The following PCDH7 variants were observed in gnomAD, a reference collection of about 807,000 sequenced individuals.
PCDH7 encodes protocadherin 7, also known as protocadherin-7.
PCDH7 carries 17 observed loss-of-function variants against 58.9 expected under a neutral mutation model. The observed-to-expected ratio is 0.29, with a 90% CI of 0.20 to 0.43. The LOEUF (loss-of-function observed/expected upper bound fraction) is 0.43. Among genes scored for constraint, PCDH7 ranks in the 20% least tolerant of loss-of-function variants. The pLI, the probability that PCDH7 is intolerant of heterozygous loss-of-function variation, is 1.00. For missense variants in PCDH7, 1,274 were observed against 1,441.0 expected (o/e 0.88, Z 1.88); for synonymous variants, 664 against 616.4 (o/e 1.08, Z -1.14).
At chr4:30,971,524 C>T (rs1201454162) in intron 3 of PCDH7, among the ~76,000 whole-genome samples, 2 of 152,182 alleles carry the variant, frequency 1.3e-5, no homozygotes, top group African/African-American at 4.8e-5. Context: ...AAGCCATCTG[C>T]ATCAGAGTCA....
At chr4:30,824,431 C>A (rs762562675) in intron 1 of PCDH7, among the ~76,000 whole-genome samples, 1 of 152,036 alleles carries the variant, frequency 6.6e-6, no homozygotes, top group Non-Finnish European at 1.5e-5. Flanking sequence ...AAAATGAATA[C>A]ACTCAAGTAT....
chr4:30,770,955 G>A (rs1024817603), intron 1 of PCDH7, among the ~76,000 whole-genome samples: 9 of 152,076 alleles, frequency 5.9e-5, no homozygotes, highest in Admixed American at 3.9e-4. Context: ...AGAACACCAC[G>A]AGTAAGCAGG....
At chr4:30,953,404 T>C (rs1480518112) in intron 3 of PCDH7, among the ~76,000 whole-genome samples, 1 of 152,140 alleles carries the variant, frequency 6.6e-6, no homozygotes, top group Non-Finnish European at 1.5e-5. Flanking sequence ...TTTTTCTATA[T>C]TACTTGATTG....
At chr4:31,023,236 T>G (rs1754168844) in intron 3 of PCDH7, among the ~76,000 whole-genome samples, 1 of 152,214 alleles carries the variant, frequency 6.6e-6, no homozygotes, top group South Asian at 2.1e-4. Context: ...ACCTGATTAT[T>G]GGCAACACCA....
At position 30,792,650 on chromosome 4, in the gene PCDH7, G is replaced by A. The variant is rs533164182; in HGVS notation, c.70+68054G>A. On this transcript the variant is annotated intron_variant, in intron 1 of 3. Transcript: ENST00000509759. ...TTAAGAGATTGGAGCTCTGAGATCA[G>A]GTACAGCTCAGTCTGTTTTCTAATT... Among the ~76,000 whole-genome samples the A allele has an allele frequency of 5.3e-5, 8 of 152,254 alleles. No homozygotes were observed. In the South Asian group the frequency reaches 1.7e-3, roughly 32 times the overall value.
intron 3 of PCDH7, among the ~76,000 whole-genome samples, chr4:31,091,911 T>C (rs1464709401): frequency 6.6e-6 from 1 of 151,914 alleles, no homozygotes; most frequent in Non-Finnish European, 1.5e-5. Flanking sequence ...TTAGGAGTAT[T>C]TTTAATAGTT....
At chr4:31,081,491 C>T (rs1759502475) in intron 3 of PCDH7, among the ~76,000 whole-genome samples, 1 of 152,078 alleles carries the variant, frequency 6.6e-6, no homozygotes, top group Non-Finnish European at 1.5e-5. Flanking sequence ...TAATATGGCC[C>T]TTAAATTTAT....
At chr4:31,071,757 G>A (rs1758558275) in intron 3 of PCDH7, among the ~76,000 whole-genome samples, 1 of 151,806 alleles carries the variant, frequency 6.6e-6, no homozygotes, top group African/African-American at 2.4e-5. Context: ...ATTTCATTTA[G>A]GTTTATTCCT....
chr4:30,971,935 T>A (rs1749627851), intron 3 of PCDH7, among the ~76,000 whole-genome samples: 1 of 152,180 alleles, frequency 6.6e-6, no homozygotes, highest in Admixed American at 6.5e-5. Context: ...CACTCCAGCC[T>A]GGGCGACAGA....
chr4:30,925,166 A>G (rs978063778), intron 2 of PCDH7, among the ~76,000 whole-genome samples: 2 of 152,156 alleles, frequency 1.3e-5, no homozygotes, highest in African/African-American at 4.8e-5. Context: ...GTCCTTGATT[A>G]TTTAAACATG....
intron 3 of PCDH7, among the ~76,000 whole-genome samples, chr4:31,041,181 C>G (rs990184483): frequency 2.6e-5 from 4 of 152,136 alleles, no homozygotes; most frequent in Non-Finnish European, 5.9e-5. Context: ...ACCAATACGT[C>G]TTCCTGAAAG....
chr4:30,914,965 C>T (rs1429162522), intron 1 of PCDH7, among the ~76,000 whole-genome samples: 3 of 151,962 alleles, frequency 2.0e-5, no homozygotes, highest in Admixed American at 6.6e-5. Context: ...ACACACATAC[C>T]CCATTAATAA....
intron 3 of PCDH7, among the ~76,000 whole-genome samples, chr4:30,951,082 T>A (rs1375754950): frequency 6.6e-6 from 1 of 152,166 alleles, no homozygotes; most frequent in African/African-American, 2.4e-5. Flanking sequence ...TTGAGACACA[T>A]GACTAAAATG....
intron 1 of PCDH7, among the ~76,000 whole-genome samples, chr4:30,851,974 C>T (rs954300946): frequency 3.3e-5 from 5 of 151,870 alleles, no homozygotes; most frequent in East Asian, 1.9e-4. Context: ...TCAAAGATAA[C>T]GCTAGCTATA....
At chr4:30,806,219 T>C (rs1375198119) in intron 1 of PCDH7, among the ~76,000 whole-genome samples, 2 of 152,176 alleles carry the variant, frequency 1.3e-5, no homozygotes, top group African/African-American at 4.8e-5. Context: ...TATTGAGTAC[T>C]AGCCTGACTC....
chr4:30,854,396 T>C (rs1407711390), intron 1 of PCDH7, among the ~76,000 whole-genome samples: 2 of 151,162 alleles, frequency 1.3e-5, no homozygotes, highest in African/African-American at 4.9e-5. Flanking sequence ...GGGAACTGGG[T>C]TACTACTCAC....
chr4:30,723,427 G>T lies in PCDH7; in HGVS notation c.2005G>T (p.Gly669Trp), dbSNP rs779411370. The T allele has an allele frequency of 6.2e-7, 1 of 1,614,174 alleles. No homozygotes were observed. Among genetic ancestry groups the T allele is most frequent in the South Asian group, 1.1e-5 (1 of 91,082 alleles). Residue 669 changes from glycine (G) to tryptophan (W), a missense_variant, in exon 1 of 2, where the codon GGG becomes TGG. By Grantham distance (184) the Gly-to-Trp change is radical. Around this residue, in one of 3 missense-constraint regions of PCDH7, gnomAD observed 731 missense variants for 881.9 expected, o/e 0.83. Transcript: ENST00000361762. The surrounding 1 kb of genome is among the most constrained non-coding windows in gnomAD (Gnocchi z 4.6). ...GGTCACCGTGATGGATGCTGACAAG[G>T]GGCGGAATGCAGAGATGAGCCTGTA...
exon 2 of PCDH7, chr4:30,730,758 T>C (rs1715374252): frequency 6.2e-7 from 1 of 1,602,790 alleles, no homozygotes; most frequent in Non-Finnish European, 8.5e-7. Flanking sequence ...TTCAGATGCG[T>C]CTACATCCAT....
At chr4:30,826,679 G>T (rs992891264) in intron 1 of PCDH7, among the ~76,000 whole-genome samples, 16 of 152,062 alleles carry the variant, frequency 1.1e-4, no homozygotes, top group African/African-American at 3.9e-4. Flanking sequence ...CATCTGAGGA[G>T]TCCTAGGGGT....
Sources: gnomAD v4.1 joint callset for allele counts (sites outside exome capture counted in the v4.1 genomes callset) on GRCh38, gnomAD v4.1.1 for gene constraint, gnomAD v4.1.1 regional missense constraint, Gnocchi (gnomAD v3.1) non-coding constraint, MANE v1.5 for transcripts, NCBI Gene and HGNC (gene_info 2026-07-23, HGNC 2026-07-21) for gene names.